ZNF738: variants seen among roughly 807,000 people sequenced by gnomAD.
ZNF738 encodes protein ZNF738.
ZNF738 carries 10 observed loss-of-function variants against 9.2 expected under a neutral mutation model. That is an observed-to-expected ratio of 1.09 (90% CI 0.67 to 1.85). The LOEUF is 1.85. Among genes scored for constraint, ZNF738 ranks in the 40% most tolerant of loss-of-function variants. ZNF738 has a pLI of 0.00. For synonymous variants in ZNF738, 113 were observed against 94.5 expected, an observed-to-expected ratio of 1.20 and a Z score of -1.14; for missense variants, 346 against 283.6, an observed-to-expected ratio of 1.22 and a Z score of -1.58.
chr19:21,367,132 C>G (rs1371973265), intron 2 of ZNF738, among the ~76,000 whole-genome samples: 1 of 152,184 alleles, frequency 6.6e-6, no homozygotes, highest in Non-Finnish European at 1.5e-5. Flanking sequence ...TAAACTGTTC[C>G]TGAAGAACAC....
intron 4 of ZNF738, among the ~76,000 whole-genome samples, chr19:21,380,079 C>A (rs183067227): frequency 3.6e-4 from 55 of 152,178 alleles, no homozygotes; most frequent in Middle Eastern, 3.4e-3. Context: ...GACTGAGGAA[C>A]CAGAAAGTAT....
chr19:21,363,581 T>C (rs1973729547), intron 2 of ZNF738, among the ~76,000 whole-genome samples: 1 of 152,122 alleles, frequency 6.6e-6, no homozygotes, highest in Admixed American at 6.5e-5. Context: ...ATAAAGTTAA[T>C]TTCTGTTAAA....
At chr19:21,374,107 T>G (rs1031992012) in intron 2 of ZNF738, among the ~76,000 whole-genome samples, 8 of 152,180 alleles carry the variant, frequency 5.3e-5, no homozygotes, top group African/African-American at 1.7e-4. Flanking sequence ...TACTCAAGAT[T>G]CCTATTGGGG....
At chr19:21,376,742 T>C (rs143176962) in intron 4 of ZNF738, among the ~76,000 whole-genome samples, 4 of 152,268 alleles carry the variant, frequency 2.6e-5, no homozygotes, top group Admixed American at 6.5e-5. Flanking sequence ...TAAAAAGTTT[T>C]ATTAAAAAAT....
rs546416642 is a variant in ZNF738, at chr19:21,385,308, T to G, written c.*1634T>G. ...CATCTCTACTAAAAATATAAAAAAT[T>G]AGCCAGGTGTAGTGGTGCACACCTG... is the stretch of plus-strand genomic sequence containing the variant. On this transcript the variant is annotated 3_prime_UTR_variant, in exon 5 of 5. Transcript: ENST00000683779. Among the ~76,000 whole-genome samples, 17 of 152,004 alleles carry G rather than the reference T, an allele frequency of 1.1e-4. No individual in the cohort carries two copies. The highest frequency in any genetic ancestry group is 2.2e-4 in the Non-Finnish European group (15 of 67,986).
At chr19:21,382,814 T>A in intron 4 of ZNF738, 52 bp from the exon 5 acceptor site, 1 of 332,660 alleles carries the variant, frequency 3.0e-6, no homozygotes. Context: ...TTGTAATCTA[T>A]ATTTATCTGA....
Position 21,359,216 on chromosome 19 carries a change from A to T in ZNF738, c.3+73A>T, listed in dbSNP as rs1224057747. 5.2e-6 allele frequency: 5 copies of T among 953,224 alleles called. No homozygotes were observed. The Admixed American group carries it at 6.8e-5, about 13-fold the overall frequency. The allele number at this position is 953,224 out of a possible 1,614,324, so 59.0% of individuals were successfully genotyped here. On this transcript the variant is annotated intron_variant, in intron 1 of 4. Coordinates refer to ENST00000683779, the MANE Select transcript of ZNF738 (RefSeq NM_001355237.2). ...GAACCGGTGGGAAGTGGCTGTGGCGAGACTCAGGCCTCCCCGCAGTCAGCT... is the reference window on the plus strand; with the variant it reads ...GAACCGGTGGGAAGTGGCTGTGGCGTGACTCAGGCCTCCCCGCAGTCAGCT...
At chr19:21,380,417 A>G (rs554632524) in intron 4 of ZNF738, among the ~76,000 whole-genome samples, 31 of 151,742 alleles carry the variant, frequency 2.0e-4, no homozygotes, top group African/African-American at 4.6e-4. Flanking sequence ...TAGAGTCCCC[A>G]CTCTCCCCTG....
intron 2 of ZNF738, among the ~76,000 whole-genome samples, chr19:21,367,241 G>A (rs1176437993): frequency 6.6e-6 from 1 of 151,938 alleles, no homozygotes; most frequent in Non-Finnish European, 1.5e-5. Flanking sequence ...TCTTCTATTT[G>A]ACTTTCCTCA....
chr19:21,381,854 G>A, intron 4 of ZNF738: 1 of 278,290 alleles, frequency 3.6e-6, no homozygotes, highest in South Asian at 6.5e-5. Context: ...GGTGAGGGCG[G>A]CCTGGGTGGG....
chr19:21,385,466 A>G lies in ZNF738; in HGVS notation c.*1792A>G, dbSNP rs780238579. Among the ~76,000 whole-genome samples, 7 of 151,636 alleles carry G rather than the reference A, an allele frequency of 4.6e-5. No homozygotes were observed. The highest frequency in any genetic ancestry group is 8.8e-5 in the Non-Finnish European group (6 of 67,892). ...GAGAGACTCTATCTCCAAAAAAATA[A>G]ATAAATAAATAAAAAAAATAAGAGA... On this transcript the variant is annotated 3_prime_UTR_variant, in exon 5 of 5. Coordinates refer to ENST00000683779, the MANE Select transcript of ZNF738 (RefSeq NM_001355237.2).
Position 21,375,868 on chromosome 19 carries a change from G to C in ZNF738, c.224-1G>C. On this transcript the variant is annotated splice_acceptor_variant, in intron 3 of 4. Coordinates refer to ENST00000683779, the MANE Select transcript of ZNF738 (RefSeq NM_001355237.2). LOFTEE classifies it high-confidence loss of function. ...CATGTTATTTATTTTTAATAAATCA[G>C]GTATTGATGTCTCTAAGCCAGATCT... 3.8e-6 allele frequency: 3 copies of C among 783,352 alleles called. No homozygotes were observed. Among genetic ancestry groups the C allele is most frequent in the Non-Finnish European group, 4.7e-6 (2 of 423,906 alleles). 48.5% of individuals were successfully genotyped at this position (783,352 alleles called of 1,614,324 possible). A position where few individuals can be genotyped will look rare whatever the true frequency, so the allele number is the denominator to read the frequency against.
At position 21,388,459 on chromosome 19, in the gene ZNF738, T is replaced by C. The variant is rs1974093624; in HGVS notation, c.*4785T>C. On this transcript the variant is annotated 3_prime_UTR_variant, in exon 5 of 5. Transcript: ENST00000683779. ...GGTTAACTTATACTCTTGAGTGATATATGAGGTAGGTGTTAAGAGTATTGT... is the reference window on the plus strand; with the variant it reads ...GGTTAACTTATACTCTTGAGTGATACATGAGGTAGGTGTTAAGAGTATTGT... Among the ~76,000 whole-genome samples, 1 of 152,176 alleles carries C rather than the reference T, an allele frequency of 6.6e-6. No individual in the cohort carries two copies. The highest frequency in any genetic ancestry group is 2.1e-4 in the South Asian group (1 of 4,836).
At chr19:21,377,584 T>G (rs1973947428) in intron 4 of ZNF738, 1 of 484,398 alleles carries the variant, frequency 2.1e-6, no homozygotes, top group African/African-American at 2.0e-5. Flanking sequence ...TTTAATGTCT[T>G]TCTTTGTCTC....
chr19:21,370,077 G>A (rs1245764495), intron 2 of ZNF738, among the ~76,000 whole-genome samples: 1 of 152,188 alleles, frequency 6.6e-6, no homozygotes, highest in Non-Finnish European at 1.5e-5. Flanking sequence ...CTCCCAAAGT[G>A]CTGGGATTAC....
chr19:21,359,305 G>A (rs543061792), intron 1 of ZNF738, among the ~76,000 whole-genome samples, 162 bp downstream of exon 1: 1 of 152,308 alleles, frequency 6.6e-6, no homozygotes, highest in East Asian at 1.9e-4. Context: ...GCCATAAGAT[G>A]GCGGTTGCGC....
At chr19:21,377,655 G>T in intron 4 of ZNF738, 1 of 442,172 alleles carries the variant, frequency 2.3e-6, no homozygotes, top group African/African-American at 2.0e-5. Context: ...TTAAGATGTG[G>T]CTTTTGTAAT....
chr19:21,375,128 T>C, intron 2 of ZNF738, 110 bp from the exon 3 acceptor site: 1 of 598,226 alleles, frequency 1.7e-6, no homozygotes, highest in Admixed American at 3.0e-5. Context: ...ATTTCAGTTA[T>C]TCCTGTAAGT....
chr19:21,378,148 T>C (rs1177283252), intron 4 of ZNF738: 1 of 389,738 alleles, frequency 2.6e-6, no homozygotes, highest in Non-Finnish European at 4.5e-6. Context: ...TTGTTCTTGA[T>C]GTTGCTAATT....
Sources: gnomAD v4.1 joint callset for allele counts (sites outside exome capture counted in the v4.1 genomes callset) on GRCh38, gnomAD v4.1.1 for gene constraint, MANE v1.5 for transcripts, NCBI Gene and HGNC (gene_info 2026-07-23, HGNC 2026-07-21) for gene names.